C1QTNF7: variants seen among roughly 807,000 people sequenced by gnomAD.
C1QTNF7 encodes complement C1q tumor necrosis factor-related protein 7.
In C1QTNF7, 15 loss-of-function variants were observed where a neutral mutation model predicts 19.6. The ratio of observed to expected loss-of-function variants is 0.76; its 90% confidence interval spans 0.51 to 1.18. The LOEUF (loss-of-function observed/expected upper bound fraction) is 1.18, where lower values mean the gene tolerates loss of function less well. Ranked by LOEUF, C1QTNF7 falls within the 50% of genes most tolerant of loss-of-function variation. The pLI is 0.00. For synonymous variants in C1QTNF7, 142 were observed against 137.5 expected (o/e 1.03, Z -0.23); for missense variants, 324 against 359.7 (o/e 0.90, Z 0.80).
intron 1 of C1QTNF7, among the ~76,000 whole-genome samples, chr4:15,383,131 C>T (rs531430197): frequency 2.0e-5 from 3 of 152,256 alleles, no homozygotes; most frequent in South Asian, 2.1e-4. Context: ...TGTGCTGTAC[C>T]CACATGTACT....
upstream of C1QTNF7, among the ~76,000 whole-genome samples, chr4:15,423,942 T>C (rs537276416): frequency 2.1e-4 from 32 of 152,252 alleles, no homozygotes; most frequent in Non-Finnish European, 4.1e-4. Context: ...CTTTATTTTT[T>C]TCCTTCAAGC....
chr4:15,340,898 G>A (rs1256194086), intron 1 of C1QTNF7, among the ~76,000 whole-genome samples: 2 of 152,200 alleles, frequency 1.3e-5, no homozygotes, highest in Non-Finnish European at 2.9e-5. Flanking sequence ...CAGGTAGGGA[G>A]CAGCGAGGAT....
chr4:15,406,787 C>A (rs1206521791), intron 1 of C1QTNF7, among the ~76,000 whole-genome samples: 6 of 151,958 alleles, frequency 3.9e-5, no homozygotes, highest in Non-Finnish European at 5.9e-5. Context: ...ATAGGATACA[C>A]AAAATTGATA....
At chr4:15,368,020 C>T (rs1370898845) in intron 1 of C1QTNF7, among the ~76,000 whole-genome samples, 1 of 152,092 alleles carries the variant, frequency 6.6e-6, no homozygotes, top group Non-Finnish European at 1.5e-5. Flanking sequence ...TTCCATTTAC[C>T]CCTGAAAGTT....
upstream of C1QTNF7, among the ~76,000 whole-genome samples, chr4:15,425,577 A>G (rs1712004712): frequency 6.6e-6 from 1 of 152,206 alleles, no homozygotes; most frequent in South Asian, 2.1e-4. Flanking sequence ...TGCAACTGCA[A>G]GTTGTTTGGA....
intron 1 of C1QTNF7, among the ~76,000 whole-genome samples, chr4:15,346,866 C>G (rs1474954199): frequency 6.6e-6 from 1 of 152,198 alleles, no homozygotes; most frequent in Admixed American, 6.5e-5. Context: ...TCCTACCACT[C>G]TCCTCCATAT....
At chr4:15,387,063 G>A (rs980523750) in intron 1 of C1QTNF7, among the ~76,000 whole-genome samples, 2 of 152,168 alleles carry the variant, frequency 1.3e-5, no homozygotes, top group African/African-American at 4.8e-5. Flanking sequence ...GGCAGCAGTA[G>A]GTATGGGGAG....
upstream of C1QTNF7, among the ~76,000 whole-genome samples, chr4:15,426,361 C>G (rs1422975375): frequency 6.6e-6 from 1 of 152,150 alleles, no homozygotes; most frequent in Non-Finnish European, 1.5e-5. Flanking sequence ...TTATCAACAT[C>G]TGAGGTTCTG....
At chr4:15,436,968 T>C (rs1177995883) in intron 2 of C1QTNF7, among the ~76,000 whole-genome samples, 3 of 152,206 alleles carry the variant, frequency 2.0e-5, no homozygotes, top group African/African-American at 7.2e-5. Flanking sequence ...ATCTGGCAAA[T>C]CAATTACCAA....
intron 1 of C1QTNF7, among the ~76,000 whole-genome samples, chr4:15,413,996 A>G (rs1719498220): frequency 6.6e-6 from 1 of 152,144 alleles, no homozygotes; most frequent in East Asian, 1.9e-4. Context: ...TTAAATTTTG[A>G]CTCTGCACAC....
In C1QTNF7 at chr4:15,421,844, G is replaced by A. The variant is rs116814475; in HGVS notation, c.14-13892G>A. On this transcript the variant is annotated intron_variant, in intron 1 of 2. Coordinates refer to the C1QTNF7 transcript ENST00000295297. ...GATATTTAAAATTTGTGGTACAACC[G>A]TACAATGGAATACTATTCAGCAATG... is the stretch of plus-strand genomic sequence containing the variant. Among the ~76,000 whole-genome samples the A allele has an allele frequency of 3.4e-3, 513 of 152,198 alleles. 1 individual carries two copies. Among genetic ancestry groups the A allele is most frequent in the African/African-American group, 0.011 (476 of 41,534 alleles).
intron 1 of C1QTNF7, among the ~76,000 whole-genome samples, chr4:15,341,485 A>G (rs1036830702): frequency 5.9e-5 from 9 of 152,220 alleles, no homozygotes; most frequent in African/African-American, 1.7e-4. Flanking sequence ...AAGGTTAAGA[A>G]GGACACTTTG....
At chr4:15,363,864 T>C (rs147809985) in intron 1 of C1QTNF7, among the ~76,000 whole-genome samples, 21 of 152,294 alleles carry the variant, frequency 1.4e-4, no homozygotes, top group African/African-American at 4.8e-4. Context: ...AGATGTAAAA[T>C]GTGAAATGAG....
chr4:15,350,231 AAAGAAGGGAGGG>A (rs1716872414), intron 1 of C1QTNF7, among the ~76,000 whole-genome samples: 1 of 64,228 alleles, frequency 1.6e-5, no homozygotes, highest in Non-Finnish European at 3.3e-5. Context: ...AGGAAGGAGG[AAAGAAGGGAGGG>A]AGGGAGGGAA....
intron 1 of C1QTNF7, among the ~76,000 whole-genome samples, chr4:15,365,752 G>A (rs1290409434): frequency 6.6e-6 from 1 of 152,112 alleles, no homozygotes; most frequent in Non-Finnish European, 1.5e-5. Context: ...CATACATGGT[G>A]GAGAAGATGA....
At chr4:15,362,028 A>C (rs2109299527) in intron 1 of C1QTNF7, among the ~76,000 whole-genome samples, 1 of 152,288 alleles carries the variant, frequency 6.6e-6, no homozygotes, top group South Asian at 2.1e-4. Context: ...AGCCAGGCCG[A>C]CTGGGTTCCA....
At chr4:15,365,938 G>A (rs1481752852) in intron 1 of C1QTNF7, among the ~76,000 whole-genome samples, 1 of 152,122 alleles carries the variant, frequency 6.6e-6, no homozygotes, top group Admixed American at 6.5e-5. Context: ...AGGAGTGAAG[G>A]ACACTGAGCA....
intron 1 of C1QTNF7, among the ~76,000 whole-genome samples, chr4:15,382,632 T>G (rs1265557224): frequency 6.6e-6 from 1 of 152,238 alleles, no homozygotes; most frequent in Non-Finnish European, 1.5e-5. Context: ...CTCAGGCCTA[T>G]TTTGGTATTT....
At chr4:15,375,503 T>C (rs958700256) in intron 1 of C1QTNF7, among the ~76,000 whole-genome samples, 1 of 152,214 alleles carries the variant, frequency 6.6e-6, no homozygotes, top group African/African-American at 2.4e-5. Flanking sequence ...TGTACTGGGG[T>C]ACATTTCTTT....
Sources: allele counts gnomAD v4.1 joint callset (sites outside exome capture counted in the v4.1 genomes callset), GRCh38; gene constraint gnomAD v4.1.1; transcripts MANE v1.5; gene names NCBI Gene and HGNC (gene_info 2026-07-23, HGNC 2026-07-21).